Variants in CELSR1 observed in about 807,000 individuals in gnomAD.
The protein encoded by CELSR1 is adhesion G protein-coupled receptor C1.
CELSR1 carries 110 observed loss-of-function variants against 249.1 expected under a neutral mutation model. The ratio of observed to expected loss-of-function variants is 0.44; its 90% CI spans 0.38 to 0.52. The LOEUF (loss-of-function observed/expected upper bound fraction) is 0.52. Among genes scored for constraint, CELSR1 ranks in the 20% least tolerant of loss-of-function variants. CELSR1 has a pLI of 0.00. For synonymous variants in CELSR1, 2,113 were observed against 1,900.0 expected, an observed-to-expected ratio of 1.11 and a Z score of -2.92; for missense variants, 4,109 against 4,296.4, an observed-to-expected ratio of 0.96 and a Z score of 1.22.
Position 46,504,129 on chromosome 22 carries a change from C to G in CELSR1, c.3544+29498G>C, listed in dbSNP as rs556718898. Among the ~76,000 whole-genome samples the G allele has an allele frequency of 2.0e-5, 3 of 152,264 alleles. No homozygotes were observed. The East Asian group carries it at 5.8e-4, about 29-fold the overall frequency. On this transcript the variant is annotated intron_variant, in intron 1 of 34. Coordinates refer to ENST00000674500, the MANE Select transcript of CELSR1 (RefSeq NM_001378328.1). Reference sequence around the variant, plus strand: ...TCAAAATTATGAAAGATATTTGCAACAAGTTAAAAATTCAAAATAGTTAAA... The same window carrying G: ...TCAAAATTATGAAAGATATTTGCAAGAAGTTAAAAATTCAAAATAGTTAAA...
chr22:46,394,038 AGTGT>A, intron 14 of CELSR1, 100 bp downstream of exon 14: 1 of 1,441,334 alleles, frequency 6.9e-7, no homozygotes, highest in Non-Finnish European at 9.5e-7. Context: ...CAGGGGTGTG[AGTGT>A]GTACCGACAG....
chr22:46,442,225 C>G (rs1193341395), intron 2 of CELSR1, among the ~76,000 whole-genome samples: 1 of 152,246 alleles, frequency 6.6e-6, no homozygotes, highest in Non-Finnish European at 1.5e-5. Context: ...CCCTTCCCCT[C>G]CAGGACGGGG....
chr22:46,535,756 A>G lies in CELSR1; in HGVS notation c.1415T>C (p.Val472Ala). Reference sequence around the variant, plus strand: ...TCGCAGCACAGCCGTGTTGAGCCCCACGTCCTCGGGCACCTGGACCACGTA... The same window carrying G: ...TCGCAGCACAGCCGTGTTGAGCCCCGCGTCCTCGGGCACCTGGACCACGTA... ...QNYVVQVPED[V>A]GLNTAVLRVQ... Residue 472 changes from valine to alanine, a missense_variant, in exon 1 of 35, where the codon GTG becomes GCG. By Grantham distance (64) the Val-to-Ala change is moderately conservative. Coordinates refer to ENST00000674500, the MANE Select transcript of CELSR1 (RefSeq NM_001378328.1). 6.2e-7 allele frequency: 1 copy of G among 1,612,490 alleles called. No homozygotes were observed.
rs2079169831 is a variant in CELSR1 at position 46,398,027 on chromosome 22, G to C, written c.5527-179C>G. On this transcript the variant is annotated intron_variant, in intron 11 of 34. Coordinates refer to ENST00000674500, the MANE Select transcript of CELSR1 (RefSeq NM_001378328.1). The surrounding 1 kb of genome is among the most constrained non-coding windows in gnomAD (Gnocchi z 7.2). ...CCCACGGCCTGCTGGCCGGAGTGCA[G>C]TGGAGGGCTGGGTGAGGAGCTCAGA... 6.6e-6 allele frequency among the ~76,000 whole-genome samples: 1 copy of C among 152,340 alleles called. No homozygotes were observed. Among genetic ancestry groups the C allele is most frequent in the African/African-American group, 2.4e-5 (1 of 41,590 alleles).
rs1018388520 is a variant in CELSR1 at position 46,440,810 on chromosome 22, A to G, written c.4184-1399T>C. ...AGAAATTTTTTGTCTGTATGTGATC[A>G]TATTTATCCATTTTTTTCTTCATGG... On this transcript the variant is annotated intron_variant, in intron 2 of 34. Transcript: ENST00000674500. This position sits in a 1 kb window ranked among gnomAD's most constrained non-coding sequence, Gnocchi z 4.7. Among the ~76,000 whole-genome samples, 3 of 152,098 alleles carry G rather than the reference A, an allele frequency of 2.0e-5. No homozygotes were observed. The highest frequency in any genetic ancestry group is 4.4e-5 in the Non-Finnish European group (3 of 68,016).
At position 46,433,326 on chromosome 22, in the gene CELSR1, C is replaced by T. The variant is rs1450918931; in HGVS notation, c.4611+67G>A. On this transcript the variant is annotated intron_variant, in intron 5 of 34. Transcript: ENST00000674500. This position sits in a 1 kb window ranked among gnomAD's most constrained non-coding sequence, Gnocchi z 5.7. ...CTGGGATTACAGGCGTGAGCCACTGCGCCTCGCCCCAGGGCACCTTCTCGA... is the reference window on the plus strand; with the variant it reads ...CTGGGATTACAGGCGTGAGCCACTGTGCCTCGCCCCAGGGCACCTTCTCGA... The T allele has an allele frequency of 1.3e-5, 16 of 1,244,406 alleles. No homozygotes were observed. Among genetic ancestry groups the T allele is most frequent in the African/African-American group, 7.5e-5 (5 of 66,886 alleles). 77.1% of individuals were successfully genotyped at this position (1,244,406 alleles called of 1,614,324 possible).
At position 46,527,551 on chromosome 22, in the gene CELSR1, G is replaced by A. The variant is rs1425244717; in HGVS notation, c.3544+6076C>T. On this transcript the variant is annotated intron_variant, in intron 1 of 34. Coordinates refer to ENST00000674500, the MANE Select transcript of CELSR1 (RefSeq NM_001378328.1). This position sits in a 1 kb window ranked among gnomAD's most constrained non-coding sequence, Gnocchi z 5.5. ...CTGAGCTCAGCCCCCTTGCTCATCG[G>A]ATGGTCCATCTCCACCCAGCCGCAG... 6.6e-6 allele frequency among the ~76,000 whole-genome samples: 1 copy of A among 152,184 alleles called. No homozygotes were observed. Among genetic ancestry groups the A allele is most frequent in the Non-Finnish European group, 1.5e-5 (1 of 68,036 alleles).
chr22:46,496,445 GTA>G (rs1346986702), intron 1 of CELSR1, among the ~76,000 whole-genome samples: 4 of 151,936 alleles, frequency 2.6e-5, no homozygotes, highest in Admixed American at 2.6e-4. Flanking sequence ...GCATACACCT[GTA>G]CTCCCAGCTA....
rs372337060 is a variant in CELSR1, at chr22:46,391,594, C to A, written c.6148+39G>T. 6.0e-4 allele frequency: 917 copies of A among 1,535,952 alleles called. 1 individual carries two copies. Among genetic ancestry groups the A allele is most frequent in the Non-Finnish European group, 7.6e-4 (871 of 1,150,564 alleles). ...GCACGCCAGTGCAGCAGCCTGTCCC[C>A]GCGCTGTAACCTGCAGGGTGTCGAG... On this transcript the variant is annotated intron_variant, in intron 15 of 34. Coordinates refer to ENST00000674500, the MANE Select transcript of CELSR1 (RefSeq NM_001378328.1). The surrounding 1 kb of genome is among the most constrained non-coding windows in gnomAD (Gnocchi z 4.3).
At chr22:46,462,829 GC>G in intron 2 of CELSR1, 1 of 401,232 alleles carries the variant, frequency 2.5e-6, no homozygotes, top group Non-Finnish European at 5.0e-6. Context: ...ACCACCGTTG[GC>G]TACATTTGGA....
rs932254615 is a variant in CELSR1 at position 46,412,150 on chromosome 22, C to T, written c.4612-391G>A. Among the ~76,000 whole-genome samples the T allele has an allele frequency of 1.5e-4, 23 of 152,206 alleles. No individual in the cohort carries two copies. Among genetic ancestry groups the T allele is most frequent in the African/African-American group, 5.3e-4 (22 of 41,456 alleles). On this transcript the variant is annotated intron_variant, in intron 5 of 34. Transcript: ENST00000674500. The surrounding 1 kb of genome is among the most constrained non-coding windows in gnomAD (Gnocchi z 4.5). ...AGGCAGCTGCTGGAGCAGCTGTTTACAAGCCAAGGGCCACCTGGGCCACCG... is the reference window on the plus strand; with the variant it reads ...AGGCAGCTGCTGGAGCAGCTGTTTATAAGCCAAGGGCCACCTGGGCCACCG...
rs1238982927 is a variant in CELSR1 at position 46,440,442 on chromosome 22, G to A, written c.4184-1031C>T. Among the ~76,000 whole-genome samples, 2 of 152,118 alleles carry A rather than the reference G, an allele frequency of 1.3e-5. No homozygotes were observed. Among genetic ancestry groups the A allele is most frequent in the African/African-American group, 2.4e-5 (1 of 41,416 alleles). ...TCTCCATCTCCTAACCTCGTGATCCGCCTGCCTTGGCCTCCCAAAGTGCTG... is the reference window on the plus strand; with the variant it reads ...TCTCCATCTCCTAACCTCGTGATCCACCTGCCTTGGCCTCCCAAAGTGCTG... On this transcript the variant is annotated intron_variant, in intron 2 of 34. Transcript: ENST00000674500. The surrounding 1 kb of genome is among the most constrained non-coding windows in gnomAD (Gnocchi z 4.7).
intron 2 of CELSR1, among the ~76,000 whole-genome samples, chr22:46,450,976 G>C (rs2079876835): frequency 6.6e-6 from 1 of 152,156 alleles, no homozygotes; most frequent in Admixed American, 6.5e-5. Context: ...ACTATTACTG[G>C]TCCCTGTTCC....
intron 14 of CELSR1, among the ~76,000 whole-genome samples, chr22:46,392,713 C>T (rs904085378): frequency 1.5e-4 from 23 of 152,028 alleles, no homozygotes; most frequent in African/African-American, 4.1e-4. Context: ...AGCATCAGCA[C>T]GCTCAGCTAA....
At chr22:46,502,100 A>AG (rs997913824) in intron 1 of CELSR1, among the ~76,000 whole-genome samples, 12 of 151,782 alleles carry the variant, frequency 7.9e-5, no homozygotes, top group African/African-American at 2.7e-4. Context: ...CTCCATCTCC[A>AG]GAAAAAATAA....
intron 2 of CELSR1, among the ~76,000 whole-genome samples, chr22:46,450,971 T>C (rs1431563978): frequency 2.0e-5 from 3 of 152,138 alleles, no homozygotes; most frequent in African/African-American, 7.2e-5. Context: ...AGGTTACTAT[T>C]ACTGGTCCCT....
intron 1 of CELSR1, among the ~76,000 whole-genome samples, chr22:46,483,385 C>CTTTTTTTTTTT (rs10647586): frequency 2.5e-5 from 2 of 81,212 alleles, no homozygotes; most frequent in Non-Finnish European, 4.5e-5. Context: ...CTATTCCTGA[C>CTTTTTTTTTTT]TTTTTTTTTT....
chr22:46,442,573 G>C (rs1340282872), intron 2 of CELSR1, among the ~76,000 whole-genome samples: 1 of 152,248 alleles, frequency 6.6e-6, no homozygotes, highest in Non-Finnish European at 1.5e-5. Flanking sequence ...TTCTCAGGGA[G>C]GCCAACCTCA....
chr22:46,431,754 G>A (rs576802451), intron 5 of CELSR1, among the ~76,000 whole-genome samples: 6 of 152,314 alleles, frequency 3.9e-5, no homozygotes, highest in Admixed American at 2.0e-4. Flanking sequence ...GCCACAGGAC[G>A]GCACCGTATC....
Sources: gnomAD v4.1 joint callset for allele counts (sites outside exome capture counted in the v4.1 genomes callset) on GRCh38, gnomAD v4.1.1 for gene constraint, Gnocchi (gnomAD v3.1) non-coding constraint, MANE v1.5 for transcripts, NCBI Gene and HGNC (gene_info 2026-07-23, HGNC 2026-07-21) for gene names.